The following ADAMTS6 variants were observed in gnomAD, a reference collection of about 807,000 sequenced individuals.
The protein encoded by ADAMTS6 is ADAM metallopeptidase with thrombospondin type 1 motif 6.
ADAMTS6 carries 23 observed loss-of-function variants against 144.3 expected under a neutral mutation model. The observed-to-expected ratio is 0.16, with a 90% CI of 0.11 to 0.23. The LOEUF is 0.23. ADAMTS6 is among the 10% of genes least tolerant of loss of function. ADAMTS6 has a pLI of 1.00. For synonymous variants in ADAMTS6, 444 were observed against 457.5 expected, an observed-to-expected ratio of 0.97 and a Z score of 0.38; for missense variants, 999 against 1,379.6, an observed-to-expected ratio of 0.72 and a Z score of 4.37.
Position 65,172,996 on chromosome 5 carries a change from AT to A in ADAMTS6, c.2922del (p.Lys974AsnfsTer67). Reference protein sequence around the residue: ...VALDWSECTPKCGPGFKHRIV... With the variant: ...VALDWSECTPXCGPGFKHRIV... Reference sequence around the variant, plus strand: ...ATCCGATGCTTGAATCCTGGACCACATTTTGGAGTACACTGGAAATAAAACA... The same window carrying A: ...ATCCGATGCTTGAATCCTGGACCACATTTGGAGTACACTGGAAATAAAACA... On this transcript the variant is annotated frameshift_variant, in exon 23 of 25. Coordinates refer to ENST00000381055, the MANE Select transcript of ADAMTS6 (RefSeq NM_197941.4). LOFTEE classifies it high-confidence loss of function. 1 of 1,613,416 alleles carries A rather than the reference AT, an allele frequency of 6.2e-7. No homozygotes were observed. The highest frequency in any genetic ancestry group is 1.1e-5 in the South Asian group (1 of 90,790).
chr5:65,210,857 C>T, intron 20 of ADAMTS6: 1 of 347,468 alleles, frequency 2.9e-6, no homozygotes. Flanking sequence ...GCTCTTGCTG[C>T]CACAGGAGAG....
intron 7 of ADAMTS6, among the ~76,000 whole-genome samples, chr5:65,350,123 C>G (rs1175625463): frequency 6.6e-6 from 1 of 152,150 alleles, no homozygotes; most frequent in Non-Finnish European, 1.5e-5. Flanking sequence ...CCTTTGAGCT[C>G]TTTGATGTTG....
intron 24 of ADAMTS6, among the ~76,000 whole-genome samples, chr5:65,170,220 T>G (rs974070919): frequency 1.4e-4 from 21 of 152,326 alleles, no homozygotes; most frequent in African/African-American, 5.1e-4. Flanking sequence ...AGAATGAATT[T>G]AAATCTTCAG....
chr5:65,341,703 G>A (rs1019867751), intron 7 of ADAMTS6, among the ~76,000 whole-genome samples: 3 of 152,014 alleles, frequency 2.0e-5, no homozygotes, highest in Admixed American at 2.0e-4. Context: ...ATAATAAAAA[G>A]ACTTCTAAGA....
intron 7 of ADAMTS6, among the ~76,000 whole-genome samples, chr5:65,430,150 A>G (rs919159472): frequency 7.0e-6 from 1 of 142,040 alleles, no homozygotes; most frequent in Non-Finnish European, 1.5e-5. Context: ...AAATAACAAT[A>G]AAATTATCTT....
intron 4 of ADAMTS6, among the ~76,000 whole-genome samples, chr5:65,459,067 G>T (rs1236783998): frequency 6.6e-6 from 1 of 151,114 alleles, no homozygotes; most frequent in Non-Finnish European, 1.5e-5. Flanking sequence ...CTGGAGAACG[G>T]GGTCTCGCTA....
At chr5:65,227,721 G>A (rs1330843348) in intron 15 of ADAMTS6, among the ~76,000 whole-genome samples, 19 of 152,132 alleles carry the variant, frequency 1.2e-4, no homozygotes, top group Admixed American at 1.2e-3. Context: ...ACAGTTGAAT[G>A]TTGTTATGCA....
chr5:65,422,319 T>G (rs151224312), intron 7 of ADAMTS6, among the ~76,000 whole-genome samples: 1 of 152,092 alleles, frequency 6.6e-6, no homozygotes, highest in East Asian at 1.9e-4. Context: ...ACAATAGAGG[T>G]TGGTGTGGGT....
chr5:65,302,546 A>C (rs1418343323), intron 9 of ADAMTS6, among the ~76,000 whole-genome samples: 1 of 151,774 alleles, frequency 6.6e-6, no homozygotes, highest in Non-Finnish European at 1.5e-5. Flanking sequence ...CAAGAACACC[A>C]ATATTTGGTA....
intron 21 of ADAMTS6, 59 bp from the exon 22 acceptor site, chr5:65,188,279 T>C: frequency 1.9e-6 from 3 of 1,573,288 alleles, no homozygotes; most frequent in Non-Finnish European, 2.6e-6. Context: ...CCAGAGATTT[T>C]TAGCTAAGTG....
At chr5:65,241,264 TC>T (rs1297873980) in intron 15 of ADAMTS6, among the ~76,000 whole-genome samples, 1 of 138,270 alleles carries the variant, frequency 7.2e-6, no homozygotes, top group African/African-American at 2.8e-5. Flanking sequence ...GGAGTCTCAC[TC>T]TGTCGCCTAG....
intron 20 of ADAMTS6, among the ~76,000 whole-genome samples, chr5:65,209,668 A>G (rs1055448835): frequency 3.3e-5 from 5 of 152,218 alleles, no homozygotes; most frequent in Non-Finnish European, 2.9e-5. Context: ...TTAAAGCCCA[A>G]AGGTCTGGAT....
intron 20 of ADAMTS6, among the ~76,000 whole-genome samples, chr5:65,203,507 C>T (rs1424533173): frequency 6.6e-6 from 1 of 152,136 alleles, no homozygotes; most frequent in Non-Finnish European, 1.5e-5. Flanking sequence ...GTACAAAGGC[C>T]TTGAGCTTCT....
At chr5:65,399,554 G>A (rs1249850435) in intron 7 of ADAMTS6, among the ~76,000 whole-genome samples, 1 of 151,588 alleles carries the variant, frequency 6.6e-6, no homozygotes, top group African/African-American at 2.4e-5. Flanking sequence ...GGTTACTCTA[G>A]AGTTTGCAAT....
In ADAMTS6 at chr5:65,291,360, T is replaced by C. The variant is rs759741530; in HGVS notation, c.1481A>G (p.Tyr494Cys). The C allele has an allele frequency of 6.2e-7, 1 of 1,613,916 alleles. No individual in the cohort carries two copies. The highest frequency in any genetic ancestry group is 8.5e-7 in the Non-Finnish European group (1 of 1,179,908). Residue 494 changes from tyrosine (Y) to cysteine (C), a missense_variant, in exon 11 of 25, where the codon TAT (tyrosine) becomes TGT (cysteine). This residue lies in a region of ADAMTS6 where 619 missense variants were observed against 837.0 expected (regional missense o/e 0.74). Coordinates refer to ENST00000381055, the MANE Select transcript of ADAMTS6 (RefSeq NM_197941.4). ...TTTACATTGGCGGGAGGTTGCTCCATACTGGAAACGACATTGCTCATCAGC... is the reference window on the plus strand; with the variant it reads ...TTTACATTGGCGGGAGGTTGCTCCACACTGGAAACGACATTGCTCATCAGC... ...YDADEQCRFQ[Y>C]GATSRQCKYG... is the part of the protein sequence containing the mutation.
At chr5:65,266,049 C>T (rs1311783063) in intron 12 of ADAMTS6, among the ~76,000 whole-genome samples, 2 of 150,968 alleles carry the variant, frequency 1.3e-5, no homozygotes, top group African/African-American at 2.4e-5. Flanking sequence ...TTGTATATAC[C>T]TATGATTTGT....
chr5:65,355,348 T>C (rs1277264617), intron 7 of ADAMTS6, among the ~76,000 whole-genome samples: 1 of 151,768 alleles, frequency 6.6e-6, no homozygotes, highest in African/African-American at 2.4e-5. Flanking sequence ...AGTTGGAAAA[T>C]TTATCTTCAC....
Position 65,470,900 on chromosome 5 carries a change from C to G in ADAMTS6, c.340G>C (p.Glu114Gln). ...TDFVSKHFTV[E>Q]YWGKDGPQWK... The stretch of plus-strand genomic sequence containing the variant: ...TGGGGTCCATCTTTCCCCCAATATT[C>G]TACTGTAAAATGTTTGGACACAAAA... The change falls in exon 3 of 25, where the codon GAA (glutamate) becomes CAA (glutamine). Residue 114 changes from glutamate (E) to glutamine (Q), a missense_variant. Physicochemically the swap from Glu to Gln is conservative, Grantham distance 29. This residue lies in a region of ADAMTS6 where 252 missense variants were observed against 293.7 expected (regional missense o/e 0.86). Transcript: ENST00000381055. The G allele has an allele frequency of 1.9e-6, 3 of 1,611,950 alleles. No individual in the cohort carries two copies. The highest frequency in any genetic ancestry group is 2.5e-6 in the Non-Finnish European group (3 of 1,179,420).
rs1288782361 is a variant in ADAMTS6 at position 65,214,264 on chromosome 5, C to A, written c.2575+530G>T. On this transcript the variant is annotated intron_variant, in intron 20 of 24. Transcript: ENST00000381055. The surrounding 1 kb of genome is among the most constrained non-coding windows in gnomAD (Gnocchi z 4.6). ...GGACTGTAATGGGGTCAGTATACAC[C>A]ATTAACCCAGAACCCAGATACCAGT... 1.8e-4 allele frequency: 50 copies of A among 275,288 alleles called. No homozygotes were observed. The highest frequency in any genetic ancestry group is 2.9e-4 in the Non-Finnish European group (39 of 135,926). 17.1% of individuals were successfully genotyped at this position (275,288 alleles called of 1,614,324 possible).
Sources: allele counts gnomAD v4.1 joint callset (sites outside exome capture counted in the v4.1 genomes callset), GRCh38; gene constraint gnomAD v4.1.1; regional missense constraint gnomAD v4.1.1; non-coding constraint Gnocchi (gnomAD v3.1); transcripts MANE v1.5; gene names NCBI Gene and HGNC (gene_info 2026-07-23, HGNC 2026-07-21).